CPNE4: variants seen among roughly 807,000 people sequenced by gnomAD.
The protein encoded by CPNE4 is copine 4, also known as copine-4.
Under a neutral mutation model 67.9 loss-of-function variants are expected in CPNE4, and 25 were observed. The observed-to-expected ratio is 0.37, with a 90% confidence interval of 0.27 to 0.51. The LOEUF (loss-of-function observed/expected upper bound fraction) is 0.51, where lower values mean the gene tolerates loss of function less well. Ranked by LOEUF, CPNE4 falls within the 20% of genes least tolerant of loss-of-function variation. CPNE4 has a pLI of 0.93. For missense variants in CPNE4, 464 were observed against 690.8 expected, an observed-to-expected ratio of 0.67 and a Z score of 3.68; for synonymous variants, 242 against 244.9, an observed-to-expected ratio of 0.99 and a Z score of 0.11.
chr3:131,953,114 C>G (rs892376093), intron 1 of CPNE4, among the ~76,000 whole-genome samples: 27 of 152,094 alleles, frequency 1.8e-4, no homozygotes, highest in African/African-American at 6.5e-4. Context: ...CAGAGGGCCG[C>G]AGGGTCCTCT....
chr3:132,036,626 GGAA>G (rs1290627853), upstream of CPNE4, among the ~76,000 whole-genome samples: 2 of 152,144 alleles, frequency 1.3e-5, no homozygotes, highest in South Asian at 2.1e-4. Context: ...CAAAGATGAA[GGAA>G]GAAGAAGGAA....
In CPNE4 at chr3:131,665,981, C is replaced by A. The variant is rs142396231; in HGVS notation, c.681+3694G>T. On this transcript the variant is annotated intron_variant, in intron 7 of 15. Transcript: ENST00000429747. Reference sequence around the variant, plus strand: ...AAATGCAATCTCAATAAAATATTATCAAGTTTTGGGTTTTTTTCTGGTATT... The same window carrying A: ...AAATGCAATCTCAATAAAATATTATAAAGTTTTGGGTTTTTTTCTGGTATT... Among the ~76,000 whole-genome samples, 1,167 of 152,004 alleles carry A rather than the reference C, an allele frequency of 7.7e-3. 20 individuals are homozygous for A. Among genetic ancestry groups the A allele is most frequent in the African/African-American group, 0.027 (1,104 of 41,480 alleles).
At chr3:131,714,217 G>A (rs1293707639) in intron 3 of CPNE4, among the ~76,000 whole-genome samples, 1 of 152,058 alleles carries the variant, frequency 6.6e-6, no homozygotes, top group African/African-American at 2.4e-5. Context: ...AACACCCAGT[G>A]TTCAGCAACC....
At chr3:131,717,914 C>CTTTCT (rs2081764432) in intron 3 of CPNE4, among the ~76,000 whole-genome samples, 1 of 138,966 alleles carries the variant, frequency 7.2e-6, no homozygotes, top group African/African-American at 2.7e-5. Context: ...TTCTTTCTTT[C>CTTTCT]TTTCTTTCTT....
At chr3:131,546,782 G>T (rs1013472437) in intron 14 of CPNE4, among the ~76,000 whole-genome samples, 4 of 152,118 alleles carry the variant, frequency 2.6e-5, no homozygotes, top group Admixed American at 1.3e-4. Context: ...GAGGGGATGA[G>T]ATCATCCAAT....
chr3:131,661,598 C>T (rs1040364168), intron 7 of CPNE4, among the ~76,000 whole-genome samples: 9 of 152,140 alleles, frequency 5.9e-5, no homozygotes, highest in African/African-American at 2.2e-4. Flanking sequence ...AGAGACACCT[C>T]CATGAGTCTG....
chr3:131,633,723 A>G (rs143947953), intron 7 of CPNE4, among the ~76,000 whole-genome samples: 4 of 152,280 alleles, frequency 2.6e-5, no homozygotes, highest in Non-Finnish European at 5.9e-5. Flanking sequence ...GTTATGAAGA[A>G]AGGCTAAAAA....
chr3:131,656,875 T>C (rs2107635083), intron 7 of CPNE4, among the ~76,000 whole-genome samples: 1 of 152,280 alleles, frequency 6.6e-6, no homozygotes, highest in South Asian at 2.1e-4. Context: ...ATGCCAGCTA[T>C]TCAGAGATGG....
At position 132,032,973 on chromosome 3, in the gene CPNE4, A is replaced by C. The variant is rs540432081; in HGVS notation, c.-2+1594T>G. The stretch of plus-strand genomic sequence containing the variant: ...ACAAAAATTGACATGGATTCAAAAC[A>C]CCTGTGTCATAGGACGGTGGGTGTT... On this transcript the variant is annotated intron_variant, in intron 1 of 15. Coordinates refer to ENST00000429747, the MANE Select transcript of CPNE4 (RefSeq NM_130808.3). Among the ~76,000 whole-genome samples the C allele has an allele frequency of 2.0e-5, 3 of 152,378 alleles. No homozygotes were observed. In the East Asian group the frequency reaches 5.8e-4, roughly 29 times the overall value.
At chr3:131,959,493 G>A (rs917758618) in intron 1 of CPNE4, among the ~76,000 whole-genome samples, 6 of 152,154 alleles carry the variant, frequency 3.9e-5, no homozygotes, top group Non-Finnish European at 7.4e-5. Flanking sequence ...GCCTGAGTTG[G>A]ACAGAATGCT....
At chr3:131,650,881 A>G (rs2079800325) in intron 7 of CPNE4, among the ~76,000 whole-genome samples, 1 of 152,120 alleles carries the variant, frequency 6.6e-6, no homozygotes, top group African/African-American at 2.4e-5. Flanking sequence ...ATTGATAGAA[A>G]TGCATAGTAA....
intron 6 of CPNE4, among the ~76,000 whole-genome samples, chr3:131,674,776 GA>G (rs1374188167): frequency 1.3e-5 from 2 of 151,000 alleles, no homozygotes; most frequent in African/African-American, 4.9e-5. Flanking sequence ...TTGTTTTATT[GA>G]TTTTTTTATT....
At chr3:131,580,534 A>G (rs1937759028) in intron 9 of CPNE4, among the ~76,000 whole-genome samples, 1 of 152,024 alleles carries the variant, frequency 6.6e-6, no homozygotes, top group Non-Finnish European at 1.5e-5. Context: ...TCATCTGGAT[A>G]GCAATTGAGT....
intron 7 of CPNE4, among the ~76,000 whole-genome samples, chr3:131,594,212 G>A (rs74400337): frequency 0.12 from 19,003 of 152,138 alleles, 1,556 homozygotes; most frequent in African/African-American, 0.23. Flanking sequence ...TCATGAAATT[G>A]TATTAAATTT....
At chr3:131,794,770 T>G (rs568120975) in intron 2 of CPNE4, among the ~76,000 whole-genome samples, 1 of 152,330 alleles carries the variant, frequency 6.6e-6, no homozygotes, top group South Asian at 2.1e-4. Flanking sequence ...CCTGGGTAGT[T>G]GAGGCTTGAG....
chr3:131,709,432 G>A (rs963404), intron 3 of CPNE4, among the ~76,000 whole-genome samples: 42,474 of 152,012 alleles, frequency 0.28, 6,214 homozygotes, highest in Middle Eastern at 0.32. Flanking sequence ...TCTGGTGAAC[G>A]TGGGGACCCA....
intron 13 of CPNE4, 54 bp from the exon 14 acceptor site, chr3:131,550,134 A>G: frequency 6.3e-7 from 1 of 1,587,530 alleles, no homozygotes; most frequent in Non-Finnish European, 8.6e-7. Context: ...AAATATATTT[A>G]TAGCCAAACA....
chr3:131,893,402 T>C (rs139852265), intron 2 of CPNE4, among the ~76,000 whole-genome samples: 1 of 152,132 alleles, frequency 6.6e-6, no homozygotes, highest in African/African-American at 2.4e-5. Flanking sequence ...CAACTTTCAA[T>C]AATGTACAGG....
At chr3:131,587,339 CTAGA>C in intron 8 of CPNE4, 141 bp downstream of exon 8, 1 of 619,732 alleles carries the variant, frequency 1.6e-6, no homozygotes, top group Non-Finnish European at 2.9e-6. Flanking sequence ...GTTCTAGAAT[CTAGA>C]TACTCACATC....
Sources: allele counts gnomAD v4.1 joint callset (sites outside exome capture counted in the v4.1 genomes callset), GRCh38; gene constraint gnomAD v4.1.1; transcripts MANE v1.5; gene names NCBI Gene and HGNC (gene_info 2026-07-23, HGNC 2026-07-21).